The following SLC14A2 variants were observed in gnomAD, a reference collection of about 807,000 sequenced individuals.
SLC14A2 encodes urea transporter 2.
SLC14A2 carries 91 observed loss-of-function variants against 104.6 expected under a neutral mutation model. The ratio of observed to expected loss-of-function variants is 0.87; its 90% confidence interval spans 0.73 to 1.04. The LOEUF (loss-of-function observed/expected upper bound fraction) is 1.04, where lower values mean the gene tolerates loss of function less well. SLC14A2 is among the 50% of genes least tolerant of loss of function. The pLI, the probability that SLC14A2 is intolerant of heterozygous loss-of-function variation, is 0.00. For missense variants in SLC14A2, 1,189 were observed against 1,156.0 expected, an observed-to-expected ratio of 1.03 and a Z score of -0.41; for synonymous variants, 476 against 466.4, an observed-to-expected ratio of 1.02 and a Z score of -0.27.
At chr18:45,351,955 G>A (rs907491176) in intron 1 of SLC14A2, among the ~76,000 whole-genome samples, 3 of 152,154 alleles carry the variant, frequency 2.0e-5, no homozygotes, top group African/African-American at 7.2e-5. Context: ...CAAGTCATAG[G>A]ACCATCAGGG....
At chr18:45,330,834 C>T (rs1471930494) in intron 1 of SLC14A2, among the ~76,000 whole-genome samples, 1 of 152,190 alleles carries the variant, frequency 6.6e-6, no homozygotes, top group African/African-American at 2.4e-5. Flanking sequence ...GCTAGAGAAG[C>T]CGTTGCACTG....
At chr18:45,392,120 A>G (rs1166801962) in intron 1 of SLC14A2, among the ~76,000 whole-genome samples, 3 of 152,346 alleles carry the variant, frequency 2.0e-5, no homozygotes, top group East Asian at 3.9e-4. Context: ...AAGCAGAATC[A>G]GCACTTCAGA....
At chr18:45,460,999 C>A (rs992818125) in intron 1 of SLC14A2, among the ~76,000 whole-genome samples, 3 of 152,174 alleles carry the variant, frequency 2.0e-5, no homozygotes, top group African/African-American at 4.8e-5. Flanking sequence ...CCTGACCCAA[C>A]CTTTCCTATG....
At chr18:45,569,224 C>T (rs759914175) in intron 2 of SLC14A2, among the ~76,000 whole-genome samples, 1 of 152,226 alleles carries the variant, frequency 6.6e-6, no homozygotes, top group Non-Finnish European at 1.5e-5. Flanking sequence ...CCCATCCTTA[C>T]CTCCAGTCTG....
intron 1 of SLC14A2, among the ~76,000 whole-genome samples, chr18:45,386,224 G>T (rs1406064755): frequency 6.6e-6 from 1 of 152,134 alleles, no homozygotes; most frequent in Non-Finnish European, 1.5e-5. Context: ...TTCAAAAATT[G>T]CACCTGGAAT....
chr18:45,435,545 T>C (rs2086582758), intron 1 of SLC14A2, among the ~76,000 whole-genome samples: 1 of 152,228 alleles, frequency 6.6e-6, no homozygotes, highest in Non-Finnish European at 1.5e-5. Flanking sequence ...GGCATGGTAC[T>C]AAGACAATTT....
At chr18:45,281,852 G>A (rs189441046) in intron 1 of SLC14A2, among the ~76,000 whole-genome samples, 1 of 152,248 alleles carries the variant, frequency 6.6e-6, no homozygotes, top group East Asian at 1.9e-4. Context: ...ATAGGAAGGG[G>A]AAACAGGATC....
chr18:45,571,451 A>G (rs913062375), intron 2 of SLC14A2, among the ~76,000 whole-genome samples: 2 of 152,236 alleles, frequency 1.3e-5, no homozygotes, highest in Non-Finnish European at 2.9e-5. Flanking sequence ...CTCTCCTGAC[A>G]ATGAGCCGGC....
rs553684823 is a variant in SLC14A2 at position 45,564,947 on chromosome 18, A to T, written c.-34-59684A>T. 4.6e-5 allele frequency among the ~76,000 whole-genome samples: 7 copies of T among 152,238 alleles called. No homozygotes were observed. In the South Asian group the frequency reaches 1.5e-3, roughly 32 times the overall value. On this transcript the variant is annotated intron_variant, in intron 2 of 20. Transcript: ENST00000586448. ...TGTATGGGGAGGCTTTGAAGTTGAG[A>T]CAAGCAAGTGATGAGGGTAGGATGG...
intron 1 of SLC14A2, among the ~76,000 whole-genome samples, chr18:45,215,854 T>G (rs970837909): frequency 6.6e-6 from 1 of 151,458 alleles, no homozygotes; most frequent in Non-Finnish European, 1.5e-5. Flanking sequence ...TTTTTTTTGG[T>G]CTCTCTGTTT....
chr18:45,195,548 T>G, the SLC14A2 span, among the ~76,000 whole-genome samples: 1 of 152,138 alleles, frequency 6.6e-6, no homozygotes, highest in Non-Finnish European at 1.5e-5. Context: ...CATGCTACCA[T>G]GCCCAGCTAA....
At chr18:45,681,417 T>C (rs1042417432) in intron 19 of SLC14A2, among the ~76,000 whole-genome samples, 2 of 152,258 alleles carry the variant, frequency 1.3e-5, no homozygotes, top group Non-Finnish European at 2.9e-5. Context: ...GGGGGCATAT[T>C]TGATGTGCCT....
intron 1 of SLC14A2, among the ~76,000 whole-genome samples, chr18:45,466,334 C>T (rs1048590622): frequency 4.0e-5 from 6 of 151,388 alleles, no homozygotes; most frequent in Admixed American, 1.3e-4. Context: ...CAGAAGGAGG[C>T]CTGCACCCAG....
intron 2 of SLC14A2, among the ~76,000 whole-genome samples, chr18:45,525,534 G>A (rs578223336): frequency 6.6e-6 from 1 of 152,194 alleles, no homozygotes; most frequent in South Asian, 2.1e-4. Flanking sequence ...TTCTGAACAT[G>A]TGCCAAAGCC....
At chr18:45,606,734 T>TAAAAAA (rs781251287) in intron 2 of SLC14A2, among the ~76,000 whole-genome samples, 1 of 76,642 alleles carries the variant, frequency 1.3e-5, no homozygotes, top group African/African-American at 4.3e-5. Flanking sequence ...AAAGTCTAAT[T>TAAAAAA]AAAAAAAAAA....
intron 1 of SLC14A2, among the ~76,000 whole-genome samples, chr18:45,313,003 G>T (rs1282839406): frequency 6.6e-6 from 1 of 152,172 alleles, no homozygotes; most frequent in African/African-American, 2.4e-5. Flanking sequence ...ACCACCACAC[G>T]CCCAGGGTTG....
chr18:45,252,996 G>A (rs541238756), intron 1 of SLC14A2, among the ~76,000 whole-genome samples: 1 of 152,026 alleles, frequency 6.6e-6, no homozygotes, highest in Non-Finnish European at 1.5e-5. Context: ...GGATGTTGGG[G>A]TGCTCAGGAA....
intron 2 of SLC14A2, among the ~76,000 whole-genome samples, chr18:45,489,049 C>T (rs1453219678): frequency 6.6e-6 from 1 of 152,170 alleles, no homozygotes; most frequent in Non-Finnish European, 1.5e-5. Context: ...ACTGGGCCAA[C>T]CATACTTGTA....
chr18:45,220,893 C>T (rs1321298711), intron 1 of SLC14A2, among the ~76,000 whole-genome samples: 2 of 152,192 alleles, frequency 1.3e-5, no homozygotes, highest in Admixed American at 6.5e-5. Flanking sequence ...CAGAGGGCTA[C>T]CTCCTCACAA....
Sources: allele counts gnomAD v4.1 joint callset (sites outside exome capture counted in the v4.1 genomes callset), GRCh38; gene constraint gnomAD v4.1.1; transcripts MANE v1.5; gene names NCBI Gene and HGNC (gene_info 2026-07-23, HGNC 2026-07-21).